The following LRCH2 variants were observed in gnomAD, a reference collection of about 807,000 sequenced individuals.
LRCH2 encodes leucine rich repeats and calponin homology domain containing 2.
In LRCH2, 38 loss-of-function variants were observed where a neutral mutation model predicts 68.9. The ratio of observed to expected loss-of-function variants is 0.55; its 90% CI spans 0.43 to 0.72. The LOEUF is 0.72. LRCH2 is among the 30% of genes least tolerant of loss of function. The pLI is 0.00. For synonymous variants in LRCH2, 191 were observed against 208.1 expected, an observed-to-expected ratio of 0.92 and a Z score of 0.71; for missense variants, 528 against 572.9, an observed-to-expected ratio of 0.92 and a Z score of 0.80.
Position 115,179,334 on chromosome X carries a change from T to C in LRCH2, c.864+93A>G, listed in dbSNP as rs961827449. Reference sequence around the variant, plus strand: ...AACAGTGCTTGAACAACAAATTGGCTCTTGATTTAGGTGCTTTTTGATTTA... The same window carrying C: ...AACAGTGCTTGAACAACAAATTGGCCCTTGATTTAGGTGCTTTTTGATTTA... On this transcript the variant is annotated intron_variant, in intron 5 of 20. Transcript: ENST00000317135. 1.2e-5 allele frequency: 9 copies of C among 762,093 alleles called. No individual in the cohort carries two copies. The African/African-American group carries it at 2.0e-4, about 17-fold the overall frequency. The allele number at this position is 762,093 out of a possible 1,213,427, so 62.8% of individuals were successfully genotyped here.
chrX:115,121,218 T>TA (rs1406727802), intron 20 of LRCH2, among the ~76,000 whole-genome samples: 5 of 110,539 alleles, frequency 4.5e-5, no homozygotes, highest in Middle Eastern at 4.7e-3. Flanking sequence ...TTTTTAATTT[T>TA]AAAAAAGAAA....
At chrX:115,207,602 T>G (rs1176990821) in intron 1 of LRCH2, among the ~76,000 whole-genome samples, 1 of 111,655 alleles carries the variant, frequency 9.0e-6, no homozygotes, top group Non-Finnish European at 1.9e-5. Context: ...GGAGATTCAC[T>G]TCACAACAAT....
At chrX:115,210,998 C>CTTGCT (rs781937349) in intron 1 of LRCH2, among the ~76,000 whole-genome samples, 73 of 112,287 alleles carry the variant, frequency 6.5e-4, no homozygotes, top group Middle Eastern at 4.7e-3. Context: ...AAGTAACTAA[C>CTTGCT]TTGCTTTTCA....
At chrX:115,135,246 C>G (rs782056761) in intron 14 of LRCH2, among the ~76,000 whole-genome samples, 65 of 107,730 alleles carry the variant, frequency 6.0e-4, no homozygotes, top group Non-Finnish European at 1.1e-3. Context: ...CTCAGCCACC[C>G]CCGACCAAGT....
At chrX:115,175,710 G>A (rs898326337) in intron 5 of LRCH2, among the ~76,000 whole-genome samples, 3 of 111,964 alleles carry the variant, frequency 2.7e-5, no homozygotes, top group East Asian at 2.8e-4. Context: ...GGTATCAGCC[G>A]TGACCCTTAT....
chrX:115,151,651 T>C (rs111555494), intron 12 of LRCH2, among the ~76,000 whole-genome samples: 2,933 of 111,453 alleles, frequency 0.026, 89 homozygotes, highest in African/African-American at 0.09. Context: ...GTGGCCAAGA[T>C]AGGCTAACAG....
At chrX:115,189,647 T>C (rs2072765508) in intron 1 of LRCH2, 1 of 1,168,666 alleles carries the variant, frequency 8.6e-7, no homozygotes. Flanking sequence ...GCCAGAGATA[T>C]GAACGGCAAG....
intron 1 of LRCH2, among the ~76,000 whole-genome samples, chrX:115,233,239 C>A (rs1569518489): frequency 8.9e-6 from 1 of 112,148 alleles, no homozygotes. Flanking sequence ...CCATGGCAAT[C>A]CTGCTGCTGT....
chrX:115,220,822 GC>G (rs782530787), intron 1 of LRCH2, among the ~76,000 whole-genome samples: 1 of 110,837 alleles, frequency 9.0e-6, no homozygotes, highest in East Asian at 2.8e-4. Context: ...TTTTAATGAA[GC>G]GCTAACCTAA....
At chrX:115,195,766 A>C (rs975563585) in intron 1 of LRCH2, among the ~76,000 whole-genome samples, 6 of 111,251 alleles carry the variant, frequency 5.4e-5, no homozygotes, top group Non-Finnish European at 9.4e-5. Context: ...TCTGCAGTCC[A>C]CTTTCCCACT....
intron 15 of LRCH2, among the ~76,000 whole-genome samples, chrX:115,129,129 A>C (rs982368089): frequency 8.9e-6 from 1 of 111,993 alleles, no homozygotes; most frequent in African/African-American, 3.2e-5. Context: ...AAAATATTGC[A>C]AGGGCTTGAA....
intron 14 of LRCH2, among the ~76,000 whole-genome samples, chrX:115,141,222 T>C (rs1294004964): frequency 1.9e-5 from 2 of 104,885 alleles, no homozygotes; most frequent in Admixed American, 1.0e-4. Flanking sequence ...CAAGACTCTG[T>C]CTCAAAAAAA....
chrX:115,175,263 G>C (rs1465558130), intron 5 of LRCH2, among the ~76,000 whole-genome samples: 1 of 110,960 alleles, frequency 9.0e-6, no homozygotes, highest in Non-Finnish European at 1.9e-5. Flanking sequence ...ATTCTCACTA[G>C]AGGCAAGTCA....
In LRCH2 at chrX:115,149,925, C is replaced by A; in HGVS notation, c.1597G>T (p.Asp533Tyr). ...GGCCACGGTTGTTCATCTATTTGAT[C>A]CTTCTGATTTTCTAAGGGCTATAAT... ...LTWQPLENQK[D>Y]QIDEQPWPES... The change falls in exon 14 of 21, where the codon GAT becomes TAT. Residue 533 changes from aspartate to tyrosine, a missense_variant. Physicochemically the swap from Asp to Tyr is radical, Grantham distance 160. Transcript: ENST00000317135. 2.5e-6 allele frequency: 3 copies of A among 1,196,844 alleles called. No individual in the cohort carries two copies. In the South Asian group the frequency reaches 5.5e-5, roughly 22 times the overall value.
chrX:115,135,370 C>A (rs2147357240), intron 14 of LRCH2, among the ~76,000 whole-genome samples: 1 of 110,045 alleles, frequency 9.1e-6, no homozygotes, highest in African/African-American at 3.3e-5. Context: ...CTCAAGGGAT[C>A]CACCTACCTC....
Position 115,191,915 on chromosome X carries a change from C to T in LRCH2, c.350-3545G>A, listed in dbSNP as rs1253397603. 5 of 1,163,628 alleles carry T rather than the reference C, an allele frequency of 4.3e-6. No individual in the cohort carries two copies. In the African/African-American group the frequency reaches 9.1e-5, roughly 21 times the overall value. ...CGCTACGAGGAGAACCGAGGTCACT[C>T]TCTCGATGCCAACAGCGGAGGCCAC... On this transcript the variant is annotated intron_variant, in intron 1 of 20. Coordinates refer to ENST00000317135, the MANE Select transcript of LRCH2 (RefSeq NM_020871.4).
intron 1 of LRCH2, among the ~76,000 whole-genome samples, chrX:115,225,688 C>A (rs1416815587): frequency 9.0e-6 from 1 of 110,987 alleles, no homozygotes; most frequent in Admixed American, 9.6e-5. Context: ...TCAAAATATA[C>A]AAAACAAATG....
At chrX:115,172,801 A>T (rs2072614882) in intron 5 of LRCH2, among the ~76,000 whole-genome samples, 2 of 94,894 alleles carry the variant, frequency 2.1e-5, no homozygotes, top group Admixed American at 1.3e-4. Flanking sequence ...CAAACTACTG[A>T]CTGGCTGCTT....
intron 1 of LRCH2, among the ~76,000 whole-genome samples, chrX:115,202,561 G>A (rs1271180322): frequency 1.8e-5 from 2 of 112,104 alleles, no homozygotes; most frequent in Admixed American, 1.9e-4. Context: ...CTGGAAGACA[G>A]TCTGGTATGC....
Sources: gnomAD v4.1 joint callset for allele counts (sites outside exome capture counted in the v4.1 genomes callset) on GRCh38, gnomAD v4.1.1 for gene constraint, MANE v1.5 for transcripts, NCBI Gene and HGNC (gene_info 2026-07-23, HGNC 2026-07-21) for gene names.